KIF5C: variants seen among roughly 807,000 people sequenced by gnomAD.
KIF5C encodes the protein kinesin family member 5C.
A neutral mutation model predicts 125.2 loss-of-function variants in KIF5C; 18 were observed. The ratio of observed to expected loss-of-function variants is 0.14; its 90% CI spans 0.10 to 0.21. KIF5C has a LOEUF of 0.21. Among genes scored for constraint, KIF5C ranks in the 10% least tolerant of loss-of-function variants. The pLI, the probability that KIF5C is intolerant of heterozygous loss-of-function variation, is 1.00. For synonymous variants in KIF5C, 405 were observed against 434.0 expected (o/e 0.93, Z 0.83); for missense variants, 780 against 1,183.8 (o/e 0.66, Z 5.01).
At chr2:148,994,581 A>G in intron 17 of KIF5C, 43 bp downstream of exon 17, 1 of 1,540,296 alleles carries the variant, frequency 6.5e-7, no homozygotes, top group East Asian at 2.5e-5. Context: ...ACCTGGCCTG[A>G]GTCAGACAGC....
At chr2:148,879,879 G>A (rs1392721248) in intron 1 of KIF5C, 1 of 152,150 alleles carries the variant, frequency 6.6e-6, no homozygotes, top group African/African-American at 2.4e-5. Context: ...AAGAGCCAGA[G>A]CAAAACATCA....
chr2:149,014,989 A>T (rs962495861), intron 25 of KIF5C, among the ~76,000 whole-genome samples: 1 of 152,160 alleles, frequency 6.6e-6, no homozygotes, highest in African/African-American at 2.4e-5. Context: ...GGAGTTCAAG[A>T]CCAGCCTGGC....
intron 1 of KIF5C, among the ~76,000 whole-genome samples, chr2:148,894,633 C>T (rs1187088580): frequency 6.6e-6 from 1 of 151,550 alleles, no homozygotes; most frequent in Non-Finnish European, 1.5e-5. Flanking sequence ...AACCCTGTAG[C>T]AATTATTTTC....
At chr2:148,965,734 C>T (rs767136358) in intron 11 of KIF5C, among the ~76,000 whole-genome samples, 1 of 152,142 alleles carries the variant, frequency 6.6e-6, no homozygotes, top group Non-Finnish European at 1.5e-5. Flanking sequence ...GGTCTGAAAA[C>T]GTCCCCAAGT....
intron 14 of KIF5C, among the ~76,000 whole-genome samples, chr2:148,983,284 A>G (rs934432527): frequency 7.2e-5 from 11 of 152,220 alleles, no homozygotes; most frequent in Non-Finnish European, 1.3e-4. Context: ...TGAAACAGAT[A>G]GGACTGACAT....
chr2:148,983,776 C>G lies in KIF5C; in HGVS notation c.1716+10C>G, dbSNP rs752726670. ...CAATGATGTGAAAACTGTAAGCCAG[C>G]CCTTCTTTTATCCTCTCTACCTGCT... On this transcript the variant is annotated intron_variant, in intron 15 of 25. Coordinates refer to ENST00000435030, the MANE Select transcript of KIF5C (RefSeq NM_004522.3). The G allele has an allele frequency of 6.3e-7, 1 of 1,591,194 alleles. No homozygotes were observed. The highest frequency in any genetic ancestry group is 8.6e-7 in the Non-Finnish European group (1 of 1,167,248).
intron 3 of KIF5C, among the ~76,000 whole-genome samples, chr2:148,936,941 C>T (rs944656217): frequency 4.6e-5 from 7 of 152,188 alleles, no homozygotes; most frequent in Non-Finnish European, 7.3e-5. Flanking sequence ...CATATATTCT[C>T]GTTCCTTCTC....
chr2:148,985,141 G>A (rs996494911), intron 15 of KIF5C, among the ~76,000 whole-genome samples: 4 of 152,110 alleles, frequency 2.6e-5, no homozygotes, highest in Non-Finnish European at 5.9e-5. Context: ...GAGATGTGGG[G>A]ATAATAGGGG....
At chr2:148,921,951 C>T (rs779783582) in intron 1 of KIF5C, among the ~76,000 whole-genome samples, 186 bp from the exon 2 acceptor site, 1 of 152,182 alleles carries the variant, frequency 6.6e-6, no homozygotes, top group Non-Finnish European at 1.5e-5. Context: ...ACATACAGTG[C>T]ACATATACAC....
intron 8 of KIF5C, chr2:148,947,864 G>A: frequency 2.2e-6 from 1 of 456,656 alleles, no homozygotes; most frequent in Non-Finnish European, 4.4e-6. Flanking sequence ...GGCCAGCCTT[G>A]AAGCTTGGTC....
intron 13 of KIF5C, 88 bp from the exon 14 acceptor site, chr2:148,981,267 T>C: frequency 6.9e-7 from 1 of 1,448,178 alleles, no homozygotes; most frequent in Non-Finnish European, 9.1e-7. Context: ...TTATATCTGG[T>C]TTTTAAATTA....
rs1448922008 is a variant in KIF5C at position 148,937,348 on chromosome 2, A to G, written c.356A>G (p.His119Arg). The stretch of plus-strand genomic sequence containing the variant: ...CGAATTGCCCATGATATCTTTGACC[A>G]TATCTACTCCATGGATGAGAACCTG... Reference protein sequence around the residue: ...IPRIAHDIFDHIYSMDENLEF... With the variant: ...IPRIAHDIFDRIYSMDENLEF... The change falls in exon 4 of 26, where the codon CAT (histidine) becomes CGT (arginine). Residue 119 changes from histidine (H) to arginine (R), a missense_variant. Coordinates refer to ENST00000435030, the MANE Select transcript of KIF5C (RefSeq NM_004522.3). 1 of 1,601,438 alleles carries G rather than the reference A, an allele frequency of 6.2e-7. No homozygotes were observed. The highest frequency in any genetic ancestry group is 1.1e-5 in the South Asian group (1 of 88,362).
chr2:148,996,975 A>G (rs1681691706), intron 17 of KIF5C, among the ~76,000 whole-genome samples: 1 of 152,086 alleles, frequency 6.6e-6, no homozygotes, highest in African/African-American at 2.4e-5. Flanking sequence ...GCGGTGACAT[A>G]AAGCCAGAGT....
At chr2:149,010,539 C>G (rs921606029) in intron 24 of KIF5C, among the ~76,000 whole-genome samples, 188 bp downstream of exon 24, 1 of 152,242 alleles carries the variant, frequency 6.6e-6, no homozygotes, top group Non-Finnish European at 1.5e-5. Flanking sequence ...CAGGCGCCCC[C>G]GTTATCCTAC....
intron 10 of KIF5C, among the ~76,000 whole-genome samples, chr2:148,950,873 A>G (rs978714606): frequency 6.6e-6 from 1 of 152,192 alleles, no homozygotes. Context: ...GTAAGGGACA[A>G]ACAGCCTTTT....
intron 1 of KIF5C, among the ~76,000 whole-genome samples, chr2:148,881,485 G>A (rs1681352107): frequency 6.6e-6 from 1 of 151,836 alleles, no homozygotes; most frequent in Non-Finnish European, 1.5e-5. Context: ...CTTAGTAAAT[G>A]TATCTTGACT....
chr2:148,930,825 G>T (rs1011295949), intron 3 of KIF5C, among the ~76,000 whole-genome samples: 15 of 152,256 alleles, frequency 9.9e-5, no homozygotes, highest in African/African-American at 2.9e-4. Context: ...CCTGACACCT[G>T]AGTGGCATCA....
At chr2:148,986,492 A>G (rs80287158) in intron 15 of KIF5C, among the ~76,000 whole-genome samples, 2,495 of 152,354 alleles carry the variant, frequency 0.016, 80 homozygotes, top group African/African-American at 0.057. Flanking sequence ...AGATAAGCTC[A>G]GACAGTATCA....
intron 10 of KIF5C, among the ~76,000 whole-genome samples, chr2:148,958,020 T>G (rs1242088535): frequency 1.3e-5 from 2 of 152,162 alleles, no homozygotes; most frequent in Non-Finnish European, 2.9e-5. Context: ...TCATCTACAT[T>G]GTTAGGTGTA....
Sources: allele counts gnomAD v4.1 joint callset (sites outside exome capture counted in the v4.1 genomes callset), GRCh38; gene constraint gnomAD v4.1.1; transcripts MANE v1.5; gene names NCBI Gene and HGNC (gene_info 2026-07-23, HGNC 2026-07-21).